SNAP91: variants seen among roughly 807,000 people sequenced by gnomAD.
SNAP91 encodes synaptosome associated protein 91.
SNAP91 carries 27 observed loss-of-function variants against 100.3 expected under a neutral mutation model. The ratio of observed to expected loss-of-function variants is 0.27; its 90% CI spans 0.20 to 0.37. SNAP91 has a LOEUF of 0.37. Among genes scored for constraint, SNAP91 ranks in the 10% least tolerant of loss-of-function variants. SNAP91 has a pLI of 1.00. For missense variants in SNAP91, 986 were observed against 1,123.7 expected, an observed-to-expected ratio of 0.88 and a Z score of 1.75; for synonymous variants, 404 against 398.6, an observed-to-expected ratio of 1.01 and a Z score of -0.16.
chr6:83,649,528 C>G (rs2098105500), intron 7 of SNAP91, among the ~76,000 whole-genome samples: 1 of 152,172 alleles, frequency 6.6e-6, no homozygotes, highest in Non-Finnish European at 1.5e-5. Flanking sequence ...AGAAGTGTCT[C>G]TAAGTCCATC....
At chr6:83,631,585 T>C (rs961931298) in intron 8 of SNAP91, among the ~76,000 whole-genome samples, 11 of 152,192 alleles carry the variant, frequency 7.2e-5, no homozygotes, top group Non-Finnish European at 1.5e-4. Context: ...TTTATCATTA[T>C]ATAATGTCCT....
chr6:83,616,178 A>C (rs761719511), intron 10 of SNAP91, among the ~76,000 whole-genome samples: 9 of 152,218 alleles, frequency 5.9e-5, no homozygotes, highest in Non-Finnish European at 8.8e-5. Context: ...AGAAGGTAGG[A>C]CTAGAGATGG....
intron 26 of SNAP91, among the ~76,000 whole-genome samples, chr6:83,563,966 T>C (rs1024095379): frequency 6.6e-6 from 1 of 152,138 alleles, no homozygotes; most frequent in Admixed American, 6.5e-5. Context: ...CCTATCAAAA[T>C]TTCAACCACT....
At chr6:83,647,906 T>G (rs2098014857) in intron 7 of SNAP91, among the ~76,000 whole-genome samples, 1 of 152,174 alleles carries the variant, frequency 6.6e-6, no homozygotes, top group African/African-American at 2.4e-5. Flanking sequence ...ATAAGGGCCT[T>G]CTTGCTGCAT....
intron 11 of SNAP91, among the ~76,000 whole-genome samples, chr6:83,614,413 G>T (rs2096349735): frequency 6.6e-6 from 1 of 152,088 alleles, no homozygotes; most frequent in Non-Finnish European, 1.5e-5. Flanking sequence ...ATTTGCAAAT[G>T]CTTCAATTTA....
In SNAP91 at chr6:83,612,613, C is replaced by T. The variant is rs146085426; in HGVS notation, c.885-1936G>A. Among the ~76,000 whole-genome samples the T allele has an allele frequency of 6.7e-3, 1,024 of 152,140 alleles. 4 individuals carry two copies. Among genetic ancestry groups the T allele is most frequent in the South Asian group, 0.014 (69 of 4,814 alleles). Reference sequence around the variant, plus strand: ...AGAAGAGGCCAGGTGCGGTGGCTCACGCCTGTAATCCCAGCACTTTGGGAG... The same window carrying T: ...AGAAGAGGCCAGGTGCGGTGGCTCATGCCTGTAATCCCAGCACTTTGGGAG... On this transcript the variant is annotated intron_variant, in intron 11 of 29. Coordinates refer to ENST00000369694, the MANE Select transcript of SNAP91 (RefSeq NM_001242792.2).
At chr6:83,604,135 C>G (rs538268504) in intron 14 of SNAP91, among the ~76,000 whole-genome samples, 1 of 152,010 alleles carries the variant, frequency 6.6e-6, no homozygotes, top group South Asian at 2.1e-4. Flanking sequence ...GGAAAAGGGA[C>G]TAGTTTACAG....
chr6:83,572,093 G>A lies in SNAP91; in HGVS notation c.2442+2917C>T, dbSNP rs147646874. Among the ~76,000 whole-genome samples, 484 of 152,204 alleles carry A rather than the reference G, an allele frequency of 3.2e-3. 2 individuals carry two copies. The highest frequency in any genetic ancestry group is 0.011 in the African/African-American group (449 of 41,500). On this transcript the variant is annotated intron_variant, in intron 26 of 29. Transcript: ENST00000369694. ...TTTTTCTTGTAAATTGCCCAGTCTC[G>A]GGTATGTCTTTATCAGCAGTGTGAA...
intron 8 of SNAP91, among the ~76,000 whole-genome samples, chr6:83,631,327 T>C (rs1316219296): frequency 6.6e-6 from 1 of 152,208 alleles, no homozygotes; most frequent in African/African-American, 2.4e-5. Context: ...GGTTGATGGA[T>C]GGAATGTTCT....
intron 22 of SNAP91, among the ~76,000 whole-genome samples, chr6:83,583,303 G>A (rs1010805445): frequency 2.5e-4 from 38 of 152,164 alleles, no homozygotes; most frequent in African/African-American, 8.9e-4. Flanking sequence ...AACCCCAGAT[G>A]GCTTTTTGAG....
At position 83,592,475 on chromosome 6, in the gene SNAP91, C is replaced by A. The variant is rs369764947; in HGVS notation, c.1910G>T (p.Gly637Val). The change falls in exon 21 of 30, where the codon GGT (glycine) becomes GTT (valine). Residue 637 changes from glycine to valine, a missense_variant. Physicochemically the swap from Gly to Val is moderately radical, Grantham distance 109 (BLOSUM62 -3). This residue lies in a region of SNAP91 where 575 missense variants were observed against 579.9 expected (regional missense o/e 0.99). Coordinates refer to ENST00000369694, the MANE Select transcript of SNAP91 (RefSeq NM_001242792.2). ...TASPAKVDSS[G>V]VIDLFGDAFG... is the part of the protein sequence containing the mutation. ...CGCACCCCCAAAAAGGTCTATGACA[C>A]CTGAAGAATCCACCTTTGCTGGCGA... The A allele has an allele frequency of 5.0e-6, 8 of 1,612,218 alleles. No individual in the cohort carries two copies. Among genetic ancestry groups the A allele is most frequent in the Non-Finnish European group, 5.9e-6 (7 of 1,179,106 alleles).
At chr6:83,601,916 T>C (rs2095268738) in intron 14 of SNAP91, among the ~76,000 whole-genome samples, 1 of 152,198 alleles carries the variant, frequency 6.6e-6, no homozygotes, top group South Asian at 2.1e-4. Context: ...AGTCATATGA[T>C]CACATAATAT....
intron 2 of SNAP91, among the ~76,000 whole-genome samples, chr6:83,700,128 G>A (rs1050523539): frequency 2.6e-5 from 4 of 152,156 alleles, no homozygotes; most frequent in African/African-American, 9.7e-5. Context: ...GTAGGTGATT[G>A]AAGTTAAAAG....
At chr6:83,660,798 A>T (rs1368712486) in intron 5 of SNAP91, among the ~76,000 whole-genome samples, 1 of 150,552 alleles carries the variant, frequency 6.6e-6, no homozygotes, top group Non-Finnish European at 1.5e-5. Flanking sequence ...TTTTTGACAC[A>T]GGGTCTTAGA....
At chr6:83,631,462 G>A (rs1203889786) in intron 8 of SNAP91, among the ~76,000 whole-genome samples, 3 of 151,984 alleles carry the variant, frequency 2.0e-5, no homozygotes, top group Non-Finnish European at 2.9e-5. Context: ...CACTATTATT[G>A]TGTTGCTATC....
chr6:83,657,820 G>A (rs1223777396), intron 6 of SNAP91, among the ~76,000 whole-genome samples: 3 of 150,784 alleles, frequency 2.0e-5, no homozygotes, highest in Non-Finnish European at 2.9e-5. Flanking sequence ...AGACTGGAGT[G>A]CAGTGGCATG....
At chr6:83,685,706 A>G (rs919831818) in intron 2 of SNAP91, among the ~76,000 whole-genome samples, 2 of 152,134 alleles carry the variant, frequency 1.3e-5, no homozygotes, top group African/African-American at 2.4e-5. Flanking sequence ...AAGACAGTCT[A>G]TCAAGTAGAT....
rs1238134082 is a variant in SNAP91, at chr6:83,696,737, C to T, written c.130+11061G>A. 2.6e-5 allele frequency among the ~76,000 whole-genome samples: 4 copies of T among 152,274 alleles called. No homozygotes were observed. In the East Asian group the frequency reaches 7.7e-4, roughly 29 times the overall value. ...GTGCCTCCGCTGTAGTCTTCACCTT[C>T]CTTATTAAAACTGAATTCTTTTTGA... is the stretch of plus-strand genomic sequence containing the variant. On this transcript the variant is annotated intron_variant, in intron 2 of 29. Coordinates refer to ENST00000369694, the MANE Select transcript of SNAP91 (RefSeq NM_001242792.2).
chr6:83,662,524 A>C, intron 3 of SNAP91, 102 bp from the exon 4 acceptor site: 1 of 435,306 alleles, frequency 2.3e-6, no homozygotes, highest in East Asian at 3.8e-5. Context: ...TCTCATTGGG[A>C]TCTCTTTTAC....
Sources: allele counts gnomAD v4.1 joint callset (sites outside exome capture counted in the v4.1 genomes callset), GRCh38; gene constraint gnomAD v4.1.1; regional missense constraint gnomAD v4.1.1; transcripts MANE v1.5; gene names NCBI Gene and HGNC (gene_info 2026-07-23, HGNC 2026-07-21).